Variants in SLC35D1 observed in about 807,000 individuals in gnomAD.
The protein encoded by SLC35D1 is nucleotide sugar transporter SLC35D1.
A neutral mutation model predicts 46.7 loss-of-function variants in SLC35D1; 31 were observed. The observed-to-expected ratio is 0.66, with a 90% CI of 0.50 to 0.90. SLC35D1 has a LOEUF of 0.90. Ranked by LOEUF, SLC35D1 falls within the 40% of genes least tolerant of loss-of-function variation. SLC35D1 has a pLI of 0.00. For synonymous variants in SLC35D1, 195 were observed against 164.6 expected, an observed-to-expected ratio of 1.18 and a Z score of -1.41; for missense variants, 397 against 426.2, an observed-to-expected ratio of 0.93 and a Z score of 0.60.
At chr1:67,027,716 T>C (rs908906433) in intron 8 of SLC35D1, among the ~76,000 whole-genome samples, 9 of 152,210 alleles carry the variant, frequency 5.9e-5, no homozygotes, top group Non-Finnish European at 1.5e-5. Context: ...GAAATTTTCC[T>C]ATGTTGTAGT....
At position 66,999,755 on chromosome 1, in the gene SLC35D1, G is replaced by C. The variant is rs1333043438; in HGVS notation, c.*4585C>G. On this transcript the variant is annotated 3_prime_UTR_variant, in exon 12 of 12. Coordinates refer to ENST00000235345, the MANE Select transcript of SLC35D1 (RefSeq NM_015139.3). ...CCATGAAGCAGCATCCTGAAAGTAAGACCTAGAAGACTGGCTTAGAAAACA... is the reference window on the plus strand; with the variant it reads ...CCATGAAGCAGCATCCTGAAAGTAACACCTAGAAGACTGGCTTAGAAAACA... The C allele has an allele frequency of 1.3e-5, 2 of 151,176 alleles. No individual in the cohort carries two copies. Among genetic ancestry groups the C allele is most frequent in the African/African-American group, 4.9e-5 (2 of 41,172 alleles). 9.4% of individuals were successfully genotyped at this position (151,176 alleles called of 1,614,324 possible). A position where few individuals can be genotyped will look rare whatever the true frequency, so the allele number is the denominator to read the frequency against.
At chr1:67,053,074 T>A (rs1558169223) in intron 1 of SLC35D1, 85 bp from the exon 2 acceptor site, 8 of 1,465,402 alleles carry the variant, frequency 5.5e-6, no homozygotes, top group Non-Finnish European at 7.5e-6. Context: ...GCAACGTTAA[T>A]AAGGCATTCC....
chr1:66,990,283 C>G, the SLC35D1 span, among the ~76,000 whole-genome samples: 2 of 152,084 alleles, frequency 1.3e-5, no homozygotes, highest in South Asian at 2.1e-4. Flanking sequence ...TGCAATTTTT[C>G]TTTTTTCCGG....
At chr1:67,046,865 C>T (rs1303836474) in intron 7 of SLC35D1, among the ~76,000 whole-genome samples, 1 of 152,100 alleles carries the variant, frequency 6.6e-6, no homozygotes, top group African/African-American at 2.4e-5. Context: ...TACATAAAGG[C>T]CATTTTTGTT....
At chr1:67,035,321 T>C (rs186129490) in intron 8 of SLC35D1, among the ~76,000 whole-genome samples, 1 of 152,284 alleles carries the variant, frequency 6.6e-6, no homozygotes, top group Non-Finnish European at 1.5e-5. Flanking sequence ...TGAAGCCATA[T>C]CCAGGCTTTC....
At chr1:66,990,138 A>G in the SLC35D1 span, among the ~76,000 whole-genome samples, 1 of 152,198 alleles carries the variant, frequency 6.6e-6, no homozygotes, top group Middle Eastern at 3.2e-3. Flanking sequence ...TGAGCTTTCA[A>G]ACATCCTGAA....
intron 8 of SLC35D1, among the ~76,000 whole-genome samples, chr1:67,039,388 G>C (rs951369825): frequency 2.0e-5 from 3 of 151,904 alleles, no homozygotes; most frequent in Non-Finnish European, 4.4e-5. Flanking sequence ...AGTTTGAGAA[G>C]TCTCCCTCCC....
intron 8 of SLC35D1, among the ~76,000 whole-genome samples, chr1:67,032,629 C>T (rs1176026365): frequency 2.0e-5 from 3 of 151,996 alleles, no homozygotes; most frequent in African/African-American, 7.2e-5. Flanking sequence ...TGCAGTGAGC[C>T]GAGATCGCAC....
chr1:67,040,579 C>T (rs1668221581), intron 8 of SLC35D1, among the ~76,000 whole-genome samples: 1 of 152,126 alleles, frequency 6.6e-6, no homozygotes, highest in Non-Finnish European at 1.5e-5. Context: ...TGCAGGTATG[C>T]CTGAGCTCAT....
Position 67,051,468 on chromosome 1 carries a change from G to T in SLC35D1, c.392+544C>A, listed in dbSNP as rs559855985. Among the ~76,000 whole-genome samples the T allele has an allele frequency of 2.0e-5, 3 of 152,326 alleles. No homozygotes were observed. The South Asian group carries it at 6.2e-4, about 32-fold the overall frequency. On this transcript the variant is annotated intron_variant, in intron 4 of 11. Transcript: ENST00000235345. ...GGGAAAGACAGTGTTACCATGGAGA[G>T]GAGAGCTATTGCTTCTTTCTGAAAA... is the stretch of plus-strand genomic sequence containing the variant.
At chr1:67,012,545 C>CCAA (rs1667588287) in intron 10 of SLC35D1, among the ~76,000 whole-genome samples, 1 of 103,208 alleles carries the variant, frequency 9.7e-6, no homozygotes, top group Non-Finnish European at 1.9e-5. Flanking sequence ...ACTCCTAAAT[C>CCAA]AAAAAAAAAA....
chr1:67,052,054 A>G lies in SLC35D1; in HGVS notation c.350T>C (p.Phe117Ser), dbSNP rs1230693847. The change falls in exon 4 of 12, where the codon TTT (phenylalanine) becomes TCT (serine). Residue 117 changes from phenylalanine (F) to serine (S), a missense_variant. Transcript: ENST00000235345. ...GAACAGTCCCGTGATTTGGTTCCCAAAATATAGTAGAGGTAGTGGAAACGT... is the reference window on the plus strand; with the variant it reads ...GAACAGTCCCGTGATTTGGTTCCCAGAATATAGTAGAGGTAGTGGAAACGT... ...RKTFPLPLLY[F>S]GNQITGLFST... 6.2e-7 allele frequency: 1 copy of G among 1,610,586 alleles called. No individual in the cohort carries two copies. Among genetic ancestry groups the G allele is most frequent in the South Asian group, 1.1e-5 (1 of 91,018 alleles).
rs1667385797 is a variant in SLC35D1 at position 67,003,579 on chromosome 1, T to TA, written c.*760dup. On this transcript the variant is annotated 3_prime_UTR_variant, in exon 12 of 12. Transcript: ENST00000235345. ...TCAACTACCTCTGCAAACATCTCTG[T>TA]ATCCCCAGCATTTAGCACAATGCCT... The TA allele has an allele frequency of 1.3e-5, 2 of 152,540 alleles. No homozygotes were observed. The highest frequency in any genetic ancestry group is 4.1e-4 in the South Asian group (2 of 4,836). 9.4% of individuals were successfully genotyped at this position (152,540 alleles called of 1,614,324 possible). A position where few individuals can be genotyped will look rare whatever the true frequency, so the allele number is the denominator to read the frequency against.
At chr1:67,027,358 T>G (rs908930401) in intron 8 of SLC35D1, among the ~76,000 whole-genome samples, 2 of 152,204 alleles carry the variant, frequency 1.3e-5, no homozygotes, top group African/African-American at 4.8e-5. Flanking sequence ...TTTCATTGGT[T>G]TTCATTGCAT....
chr1:67,052,716 G>C, intron 3 of SLC35D1, 55 bp downstream of exon 3: 1 of 1,579,358 alleles, frequency 6.3e-7, no homozygotes, highest in Non-Finnish European at 8.7e-7. Flanking sequence ...GATAAAATAT[G>C]TTAATACATA....
At chr1:67,009,859 G>A (rs933462029) in intron 10 of SLC35D1, among the ~76,000 whole-genome samples, 2 of 152,112 alleles carry the variant, frequency 1.3e-5, no homozygotes, top group Admixed American at 1.3e-4. Flanking sequence ...AAAATAAATT[G>A]TTCTACCAAA....
chr1:67,020,591 G>A, intron 9 of SLC35D1, 144 bp from the exon 10 acceptor site: 1 of 660,982 alleles, frequency 1.5e-6, no homozygotes, highest in Non-Finnish European at 2.7e-6. Flanking sequence ...TTCTTATACT[G>A]CAGCTTCAGA....
chr1:67,049,839 G>GAA lies in SLC35D1; in HGVS notation c.474_475dup (p.Ser159PhefsTer7), dbSNP rs1211872146. On this transcript the variant is annotated frameshift_variant, in exon 6 of 12. Coordinates refer to ENST00000235345, the MANE Select transcript of SLC35D1 (RefSeq NM_015139.3). LOFTEE classifies it high-confidence loss of function. ...AAATACAGTCATTTTAATACCCCAA[G>GAA]AAAAAGTCTTCCTACAAAACAAAAA... 1 of 1,613,260 alleles carries GAA rather than the reference G, an allele frequency of 6.2e-7. No individual in the cohort carries two copies. The highest frequency in any genetic ancestry group is 8.5e-7 in the Non-Finnish European group (1 of 1,179,600).
intron 8 of SLC35D1, among the ~76,000 whole-genome samples, chr1:67,035,372 C>A (rs1231711826): frequency 1.3e-5 from 2 of 152,118 alleles, no homozygotes; most frequent in Non-Finnish European, 2.9e-5. Context: ...GATCTCATTC[C>A]TTGTTACTGG....
Sources: allele counts gnomAD v4.1 joint callset (sites outside exome capture counted in the v4.1 genomes callset), GRCh38; gene constraint gnomAD v4.1.1; transcripts MANE v1.5; gene names NCBI Gene and HGNC (gene_info 2026-07-23, HGNC 2026-07-21).